NAV3: variants seen among roughly 807,000 people sequenced by gnomAD.
NAV3 encodes neuron navigator 3.
Under a neutral mutation model 244.7 loss-of-function variants are expected in NAV3, and 87 were observed. The observed-to-expected ratio is 0.36, with a 90% CI of 0.30 to 0.42. The LOEUF (loss-of-function observed/expected upper bound fraction) is 0.42, where lower values mean the gene tolerates loss of function less well. NAV3 is among the 20% of genes least tolerant of loss of function. The probability of loss-of-function intolerance (pLI) is 1.00; values close to 1 mark genes in which losing one functional copy is unlikely to be tolerated. For synonymous variants in NAV3, 1,126 were observed against 1,042.2 expected, an observed-to-expected ratio of 1.08 and a Z score of -1.55; for missense variants, 2,663 against 2,893.3, an observed-to-expected ratio of 0.92 and a Z score of 1.83.
Position 78,188,360 on chromosome 12 carries a change from A to G in NAV3, c.5886+17A>G, listed in dbSNP as rs772399428. The G allele has an allele frequency of 3.2e-6, 5 of 1,563,044 alleles. No individual in the cohort carries two copies. Among genetic ancestry groups the G allele is most frequent in the East Asian group, 4.5e-5 (2 of 44,404 alleles). ...CTCTTTAAGGTATGTTGTGCAAGAC[A>G]CCCTAATAGTACTTTTCAAATATGT... On this transcript the variant is annotated intron_variant, in intron 32 of 39. Transcript: ENST00000397909.
rs547670138 is a variant in NAV3, at chr12:77,703,457, G to A, written c.72+131191G>A. Among the ~76,000 whole-genome samples the A allele has an allele frequency of 3.3e-5, 5 of 152,018 alleles. No individual in the cohort carries two copies. In the South Asian group the frequency reaches 1.0e-3, roughly 32 times the overall value. ...GGCATTCAAGTTGTTCCTGGCTTTT[G>A]GCTATTCTGAATAAAGCTATTATGA... is the stretch of plus-strand genomic sequence containing the variant. On this transcript the variant is annotated intron_variant, in intron 2 of 8. Transcript: ENST00000550042.
chr12:78,022,898 G>C (rs1248356100), intron 9 of NAV3, among the ~76,000 whole-genome samples: 1 of 152,138 alleles, frequency 6.6e-6, no homozygotes, highest in African/African-American at 2.4e-5. Context: ...AGGCGTCAGA[G>C]GTTTCATATG....
intron 26 of NAV3, among the ~76,000 whole-genome samples, chr12:78,176,932 C>T (rs561320220): frequency 3.9e-5 from 6 of 151,998 alleles, no homozygotes; most frequent in African/African-American, 9.7e-5. Flanking sequence ...TCCATGTTTG[C>T]GCTGCGCTGG....
intron 1 of NAV3, among the ~76,000 whole-genome samples, chr12:77,888,793 T>G (rs2256655): frequency 0.12 from 17,895 of 152,180 alleles, 1,079 homozygotes; most frequent in East Asian, 0.2. Context: ...AGTCTTCAAA[T>G]GTTTTTATCT....
At chr12:77,659,453 A>G (rs367682134) in intron 2 of NAV3, among the ~76,000 whole-genome samples, 11 of 152,284 alleles carry the variant, frequency 7.2e-5, no homozygotes, top group Admixed American at 5.2e-4. Flanking sequence ...TAAAAAGTCA[A>G]GAAACAACAG....
At position 77,703,220 on chromosome 12, in the gene NAV3, T is replaced by A. The variant is rs564283690; in HGVS notation, c.72+130954T>A. The stretch of plus-strand genomic sequence containing the variant: ...CCTTTCTACTCCTGGCAAAAGCTGA[T>A]CTGTTTTCTGTCCCTAAAGTTTCTC... On this transcript the variant is annotated intron_variant, in intron 2 of 8. Coordinates refer to the NAV3 transcript ENST00000550042. 7.2e-5 allele frequency among the ~76,000 whole-genome samples: 11 copies of A among 152,176 alleles called. 1 individual carries two copies. The South Asian group carries it at 2.1e-3, about 29-fold the overall frequency.
At chr12:77,854,612 T>C (rs1306248050) in intron 1 of NAV3, among the ~76,000 whole-genome samples, 1 of 152,044 alleles carries the variant, frequency 6.6e-6, no homozygotes, top group African/African-American at 2.4e-5. Flanking sequence ...TGTGTTTGTG[T>C]GTGTGTGTTA....
chr12:77,768,435 C>T (rs1008089936), intron 2 of NAV3, among the ~76,000 whole-genome samples: 1 of 152,214 alleles, frequency 6.6e-6, no homozygotes, highest in African/African-American at 2.4e-5. Flanking sequence ...CCAAGCTGCC[C>T]TTAGTGCCCC....
chr12:77,941,007 G>T (rs542275121), intron 2 of NAV3, 74 bp from the exon 3 acceptor site: 22 of 927,788 alleles, frequency 2.4e-5, no homozygotes, highest in Non-Finnish European at 3.2e-5. Flanking sequence ...TCCTGTTTTC[G>T]TGTGTGTGTT....
chr12:78,198,417 A>G lies in NAV3; in HGVS notation c.6447-188A>G, dbSNP rs138964503. Among the ~76,000 whole-genome samples the G allele has an allele frequency of 8.1e-4, 123 of 152,034 alleles. 1 individual carries two copies. The highest frequency in any genetic ancestry group is 2.9e-3 in the African/African-American group (119 of 41,552). On this transcript the variant is annotated intron_variant, in intron 35 of 39. Transcript: ENST00000397909. ...GCCTTGCCTTGATTCCAGAACTGGA[A>G]TTAGAAACTCAAGTATCAATTTCTA...
chr12:77,586,175 A>T (rs1287938772), intron 2 of NAV3, among the ~76,000 whole-genome samples: 1 of 127,788 alleles, frequency 7.8e-6, no homozygotes, highest in Admixed American at 7.7e-5. Flanking sequence ...AAAAGAAAAA[A>T]AAAATTGCTG....
chr12:78,199,599 G>T (rs1565795572), intron 37 of NAV3, 68 bp downstream of exon 37: 1 of 1,156,906 alleles, frequency 8.6e-7, no homozygotes, highest in South Asian at 1.8e-5. Flanking sequence ...CGGCCAGATT[G>T]GATGGTAGAA....
chr12:78,071,275 G>A (rs573355381), intron 12 of NAV3, among the ~76,000 whole-genome samples: 1 of 152,194 alleles, frequency 6.6e-6, no homozygotes, highest in African/African-American at 2.4e-5. Flanking sequence ...TCTCACTGTG[G>A]TTTTGATTTG....
chr12:78,133,222 T>C (rs1956236781), intron 18 of NAV3, among the ~76,000 whole-genome samples: 1 of 152,002 alleles, frequency 6.6e-6, no homozygotes, highest in African/African-American at 2.4e-5. Context: ...AATCAGGCAT[T>C]TTGAGATCTT....
At position 77,749,035 on chromosome 12, in the gene NAV3, GGTAA is replaced by G. The variant is rs1451982162; in HGVS notation, c.72+176772_72+176775del. 2.6e-5 allele frequency among the ~76,000 whole-genome samples: 4 copies of G among 152,112 alleles called. No homozygotes were observed. The South Asian group carries it at 6.2e-4, about 24-fold the overall frequency. ...ACTTCTGCAAAGCGGGAGAAAAAAA[GGTAA>G]GTGTGATGTACAAACTCATACTAGA... On this transcript the variant is annotated intron_variant, in intron 2 of 8. Coordinates refer to the NAV3 transcript ENST00000550042.
intron 18 of NAV3, 31 bp from the exon 19 acceptor site, chr12:78,137,146 A>C (rs1956407003): frequency 6.4e-7 from 1 of 1,572,146 alleles, no homozygotes; most frequent in African/African-American, 1.4e-5. Context: ...CAAGCTTAAG[A>C]GTAATAGGCT....
intron 7 of NAV3, among the ~76,000 whole-genome samples, chr12:78,004,240 A>T (rs186677090): frequency 6.6e-6 from 1 of 152,302 alleles, no homozygotes; most frequent in Non-Finnish European, 1.5e-5. Flanking sequence ...ATGAGATACC[A>T]TGTATGAAGT....
chr12:77,699,513 C>T (rs1401176031), intron 2 of NAV3, among the ~76,000 whole-genome samples: 2 of 152,054 alleles, frequency 1.3e-5, no homozygotes, highest in African/African-American at 4.8e-5. Flanking sequence ...ATATCTGGGG[C>T]CTAAGCTGAA....
chr12:77,908,622 A>G (rs549754016), intron 1 of NAV3, among the ~76,000 whole-genome samples: 1 of 152,096 alleles, frequency 6.6e-6, no homozygotes, highest in Non-Finnish European at 1.5e-5. Flanking sequence ...TTTTTTTCCC[A>G]AAAATATTAC....
Sources: gnomAD v4.1 joint callset for allele counts (sites outside exome capture counted in the v4.1 genomes callset) on GRCh38, gnomAD v4.1.1 for gene constraint, MANE v1.5 for transcripts, NCBI Gene and HGNC (gene_info 2026-07-23, HGNC 2026-07-21) for gene names.